Variants in JAZF1 observed in about 807,000 individuals in gnomAD.
The protein encoded by JAZF1 is JAZF zinc finger 1.
JAZF1 carries 8 observed loss-of-function variants against 26.4 expected under a neutral mutation model. The observed-to-expected ratio is 0.30, with a 90% CI of 0.18 to 0.55. JAZF1 has a LOEUF of 0.55. Among genes scored for constraint, JAZF1 ranks in the 20% least tolerant of loss-of-function variants. The pLI is 0.94. For missense variants in JAZF1, 199 were observed against 322.0 expected (o/e 0.62, Z 2.92); for synonymous variants, 126 against 122.3 (o/e 1.03, Z -0.20).
chr7:27,952,961 A>G (rs1382954986), intron 2 of JAZF1, among the ~76,000 whole-genome samples: 1 of 152,246 alleles, frequency 6.6e-6, no homozygotes, highest in African/African-American at 2.4e-5. Context: ...CATAAGATTA[A>G]GCAAAATCAT....
intron 3 of JAZF1, among the ~76,000 whole-genome samples, chr7:27,882,498 C>T (rs751432556): frequency 1.7e-4 from 26 of 152,322 alleles, no homozygotes; most frequent in Middle Eastern, 3.4e-3. Context: ...ATCTCTTTGT[C>T]CATGGTCCCA....
At chr7:27,923,316 G>A (rs533608289) in intron 2 of JAZF1, among the ~76,000 whole-genome samples, 1 of 152,292 alleles carries the variant, frequency 6.6e-6, no homozygotes, top group African/African-American at 2.4e-5. Flanking sequence ...AAATTAAAAC[G>A]TCGAGTTTCC....
chr7:27,998,255 G>C (rs1786063790), intron 1 of JAZF1, among the ~76,000 whole-genome samples: 2 of 152,128 alleles, frequency 1.3e-5, no homozygotes, highest in African/African-American at 4.8e-5. Context: ...ATCCTCTAAA[G>C]ACATTTCATT....
At chr7:28,180,131 C>T (rs1459886486) in intron 1 of JAZF1, among the ~76,000 whole-genome samples, 2 of 143,764 alleles carry the variant, frequency 1.4e-5, no homozygotes, top group Non-Finnish European at 3.1e-5. Flanking sequence ...CGCGCCGGCA[C>T]TCGGCCCCGC....
chr7:28,150,823 C>T (rs922237861), intron 1 of JAZF1, among the ~76,000 whole-genome samples: 5 of 152,170 alleles, frequency 3.3e-5, no homozygotes, highest in African/African-American at 1.2e-4. Flanking sequence ...CTCTTGAGGT[C>T]CAAAACTCCA....
chr7:27,933,335 C>T (rs1007975048), intron 2 of JAZF1, among the ~76,000 whole-genome samples: 6 of 152,162 alleles, frequency 3.9e-5, no homozygotes, highest in Admixed American at 2.6e-4. Context: ...CAAAATAATA[C>T]TCCAAGCATG....
rs140089562 is a variant in JAZF1, at chr7:28,157,392, T to C, written c.115+23071A>G. Among the ~76,000 whole-genome samples the C allele has an allele frequency of 4.0e-3, 604 of 152,356 alleles. 4 individuals carry two copies. The highest frequency in any genetic ancestry group is 0.014 in the African/African-American group (586 of 41,580). On this transcript the variant is annotated intron_variant, in intron 1 of 4. Transcript: ENST00000283928. ...CTATCACAATTATTCAACTCTGCCA[T>C]TGCAGCACAAAAGCAGTCACAGACG...
At chr7:28,124,900 C>T (rs1782671362) in intron 1 of JAZF1, among the ~76,000 whole-genome samples, 1 of 152,254 alleles carries the variant, frequency 6.6e-6, no homozygotes, top group South Asian at 2.1e-4. Flanking sequence ...AGGGGCATTA[C>T]AGTAGCTAAA....
intron 1 of JAZF1, among the ~76,000 whole-genome samples, chr7:28,023,853 G>T (rs1185855094): frequency 6.6e-6 from 1 of 152,170 alleles, no homozygotes; most frequent in Non-Finnish European, 1.5e-5. Context: ...AGATGCTATA[G>T]ATATAAATGC....
chr7:28,158,186 CAG>C (rs1554292394), intron 1 of JAZF1, among the ~76,000 whole-genome samples: 4 of 143,344 alleles, frequency 2.8e-5, no homozygotes, highest in Non-Finnish European at 3.0e-5. Context: ...CACACACACA[CAG>C]AGAGAGAGAG....
At chr7:28,038,270 A>T (rs1008887211) in intron 1 of JAZF1, among the ~76,000 whole-genome samples, 7 of 152,204 alleles carry the variant, frequency 4.6e-5, no homozygotes, top group African/African-American at 1.7e-4. Context: ...AAACTTTGGG[A>T]TGGGGGAATG....
intron 4 of JAZF1, among the ~76,000 whole-genome samples, chr7:27,834,079 A>G (rs1782760378): frequency 6.6e-6 from 1 of 152,198 alleles, no homozygotes; most frequent in Non-Finnish European, 1.5e-5. Flanking sequence ...TGCTAGAGCC[A>G]GTCCCTTGCC....
At chr7:27,913,279 TTA>T (rs569071390) in intron 2 of JAZF1, 169 of 204,490 alleles carry the variant, frequency 8.3e-4, no homozygotes, top group South Asian at 3.0e-3. Context: ...TTTATATATA[TTA>T]TATATATATA....
At chr7:27,953,050 T>C (rs1785038187) in intron 2 of JAZF1, among the ~76,000 whole-genome samples, 1 of 152,240 alleles carries the variant, frequency 6.6e-6, no homozygotes, top group South Asian at 2.1e-4. Flanking sequence ...AGCATTAGCA[T>C]AATCCTGAGC....
intron 1 of JAZF1, among the ~76,000 whole-genome samples, chr7:28,049,972 C>T (rs1334828687): frequency 6.6e-6 from 1 of 152,128 alleles, no homozygotes; most frequent in African/African-American, 2.4e-5. Context: ...TCCAGCTCCT[C>T]TCCCCTCCCT....
chr7:28,104,705 T>A (rs1252498056), intron 1 of JAZF1, among the ~76,000 whole-genome samples: 3 of 152,136 alleles, frequency 2.0e-5, no homozygotes, highest in Non-Finnish European at 4.4e-5. Flanking sequence ...CCTACAACAT[T>A]AGGATTCTGG....
At chr7:27,942,505 C>T (rs1330485937) in intron 2 of JAZF1, among the ~76,000 whole-genome samples, 1 of 152,198 alleles carries the variant, frequency 6.6e-6, no homozygotes, top group Non-Finnish European at 1.5e-5. Context: ...GGGAGTGCTT[C>T]ACTTTGTTTA....
intron 1 of JAZF1, among the ~76,000 whole-genome samples, chr7:28,155,490 A>T (rs1283331175): frequency 6.6e-6 from 1 of 152,228 alleles, no homozygotes; most frequent in Non-Finnish European, 1.5e-5. Flanking sequence ...TTCTTCCCCT[A>T]TAAAGTGTGT....
At chr7:27,863,357 T>G (rs979567796) in intron 3 of JAZF1, among the ~76,000 whole-genome samples, 4 of 152,144 alleles carry the variant, frequency 2.6e-5, no homozygotes, top group African/African-American at 9.7e-5. Context: ...CACAGGGCCT[T>G]CTTCCCATGG....
Sources: gnomAD v4.1 joint callset for allele counts (sites outside exome capture counted in the v4.1 genomes callset) on GRCh38, gnomAD v4.1.1 for gene constraint, MANE v1.5 for transcripts, NCBI Gene and HGNC (gene_info 2026-07-23, HGNC 2026-07-21) for gene names.